Variants in PLCE1 observed in about 807,000 individuals in gnomAD.
PLCE1 encodes the protein 1-phosphatidylinositol 4,5-bisphosphate phosphodiesterase epsilon-1.
Under a neutral mutation model 242.8 loss-of-function variants are expected in PLCE1, and 119 were observed. The observed-to-expected ratio is 0.49, with a 90% CI of 0.42 to 0.57. The LOEUF (loss-of-function observed/expected upper bound fraction) is 0.57, where lower values mean the gene tolerates loss of function less well. PLCE1 is among the 20% of genes least tolerant of loss of function. The probability of loss-of-function intolerance (pLI) is 0.00; values close to 1 mark genes in which losing one functional copy is unlikely to be tolerated. For synonymous variants in PLCE1, 945 were observed against 1,017.4 expected (o/e 0.93, Z 1.35); for missense variants, 2,441 against 2,788.8 (o/e 0.88, Z 2.81).
chr10:94,220,919 C>G (rs1306058081), intron 4 of PLCE1, among the ~76,000 whole-genome samples: 1 of 152,200 alleles, frequency 6.6e-6, no homozygotes, highest in African/African-American at 2.4e-5. Context: ...CCGGGCTCCG[C>G]CACTACACCG....
intron 3 of PLCE1, chr10:94,139,057 T>C (rs945684329): frequency 6.5e-6 from 1 of 152,870 alleles, no homozygotes; most frequent in African/African-American, 2.4e-5. Flanking sequence ...CCAAGGCAGG[T>C]GGATCACCTG....
At chr10:94,145,967 C>T (rs917493350) in intron 3 of PLCE1, among the ~76,000 whole-genome samples, 1 of 151,970 alleles carries the variant, frequency 6.6e-6, no homozygotes, top group African/African-American at 2.4e-5. Flanking sequence ...AGAATGTGTG[C>T]AGCAACTGTG....
chr10:94,250,331 A>G (rs1371144637), intron 8 of PLCE1, among the ~76,000 whole-genome samples: 2 of 151,924 alleles, frequency 1.3e-5, no homozygotes, highest in Non-Finnish European at 2.9e-5. Flanking sequence ...GTGAAACTCC[A>G]TCTCTACTAA....
intron 22 of PLCE1, among the ~76,000 whole-genome samples, chr10:94,287,835 A>G (rs917630880): frequency 2.6e-5 from 4 of 151,888 alleles, no homozygotes; most frequent in Non-Finnish European, 4.4e-5. Flanking sequence ...TCAGGCACCT[A>G]CATACACTGC....
Position 94,287,836 on chromosome 10 carries a change from C to T in PLCE1, c.5035+2871C>T, listed in dbSNP as rs142056303. 8.8e-3 allele frequency among the ~76,000 whole-genome samples: 1,340 copies of T among 152,208 alleles called. 21 individuals carry two copies. The highest frequency in any genetic ancestry group is 0.03 in the African/African-American group (1,242 of 41,542). ...ATCCCCCACTCTCCTCAGGCACCTA[C>T]ATACACTGCCGTCTTTCTAGTGCCA... On this transcript the variant is annotated intron_variant, in intron 22 of 32. Transcript: ENST00000371380.
chr10:94,306,523 C>T lies in PLCE1; in HGVS notation c.5719C>T (p.Arg1907Cys), dbSNP rs974611612. 5.6e-6 allele frequency: 9 copies of T among 1,614,144 alleles called. No homozygotes were observed. The highest frequency in any genetic ancestry group is 2.2e-5 in the East Asian group (1 of 44,866). Residue 1907 changes from arginine (R) to cysteine (C), a missense_variant, in exon 26 of 33, where the codon CGC (arginine) becomes TGC (cysteine). Arg to Cys is a radical substitution (Grantham distance 180). This residue lies in a region of PLCE1 where 1,004 missense variants were observed against 1,322.7 expected (regional missense o/e 0.76). Transcript: ENST00000371380. This position sits in a 1 kb window ranked among gnomAD's most constrained non-coding sequence, Gnocchi z 5.7. ...CATGCCTCTGGACAGCTGCCATTTC[C>T]GCACAAAGCCCATCCATCGAAACAC... The part of the protein sequence containing the change: ...LGMPLDSCHF[R>C]TKPIHRNTLN...
intron 2 of PLCE1, chr10:94,104,097 AAG>A (rs2045637577): frequency 6.6e-6 from 1 of 152,210 alleles, no homozygotes; most frequent in African/African-American, 2.4e-5. Context: ...AGTGTTCTTT[AAG>A]AGAGTCAATG....
chr10:94,311,623 A>G (rs1218831860), intron 27 of PLCE1, among the ~76,000 whole-genome samples: 1 of 152,132 alleles, frequency 6.6e-6, no homozygotes, highest in Admixed American at 6.5e-5. Flanking sequence ...TTTCCTTAGT[A>G]TCTTTCAAAT....
chr10:94,220,599 G>A (rs2049706315), intron 4 of PLCE1, among the ~76,000 whole-genome samples: 1 of 151,458 alleles, frequency 6.6e-6, no homozygotes, highest in Non-Finnish European at 1.5e-5. Context: ...TAGGAAGTGG[G>A]ATTTAGAGAT....
intron 29 of PLCE1, among the ~76,000 whole-genome samples, chr10:94,320,386 G>C (rs1427492525): frequency 3.9e-5 from 6 of 152,026 alleles, no homozygotes; most frequent in Admixed American, 2.0e-4. Flanking sequence ...GTAATTATAA[G>C]GCCATGATTG....
At chr10:94,007,843 A>G (rs887790556) in intron 1 of PLCE1, among the ~76,000 whole-genome samples, 1 of 150,474 alleles carries the variant, frequency 6.6e-6, no homozygotes, top group Non-Finnish European at 1.5e-5. Context: ...TTTGTTTTCT[A>G]TAAATGAGTT....
chr10:94,149,826 T>C (rs1290883855), intron 3 of PLCE1, among the ~76,000 whole-genome samples: 1 of 152,202 alleles, frequency 6.6e-6, no homozygotes, highest in Admixed American at 6.5e-5. Flanking sequence ...TGATGATTCT[T>C]CCTTCAGAGA....
chr10:94,046,907 G>A (rs1414428959), intron 2 of PLCE1, among the ~76,000 whole-genome samples: 2 of 152,138 alleles, frequency 1.3e-5, no homozygotes, highest in Admixed American at 6.5e-5. Context: ...TAACAAACAC[G>A]TTACAAATGT....
At chr10:94,018,954 G>A (rs868221739) in intron 1 of PLCE1, among the ~76,000 whole-genome samples, 48 of 152,156 alleles carry the variant, frequency 3.2e-4, no homozygotes, top group African/African-American at 1.0e-3. Flanking sequence ...TAGTGCTGAA[G>A]GGGTGATTTA....
intron 2 of PLCE1, among the ~76,000 whole-genome samples, chr10:94,062,256 C>T (rs1209243358): frequency 6.6e-6 from 1 of 152,062 alleles, no homozygotes. Flanking sequence ...TTTATATTTG[C>T]TAAATGGTTA....
chr10:94,171,123 T>C (rs1157299728), intron 3 of PLCE1, 57 bp from the exon 4 acceptor site: 12 of 1,368,480 alleles, frequency 8.8e-6, no homozygotes, highest in Non-Finnish European at 1.3e-5. Context: ...CAAGTAAATA[T>C]CTGTTGCAGG....
chr10:94,140,810 G>A (rs1323313155), intron 3 of PLCE1, among the ~76,000 whole-genome samples: 1 of 152,146 alleles, frequency 6.6e-6, no homozygotes, highest in African/African-American at 2.4e-5. Flanking sequence ...TTTATTTAAA[G>A]AAATATCCTG....
At chr10:94,272,217 G>A (rs1283984477) in intron 18 of PLCE1, among the ~76,000 whole-genome samples, 1 of 152,126 alleles carries the variant, frequency 6.6e-6, no homozygotes, top group African/African-American at 2.4e-5. Flanking sequence ...AACTGCATAG[G>A]ACAGACATTC....
At chr10:94,316,480 C>T (rs2053576811) in intron 28 of PLCE1, 67 bp from the exon 29 acceptor site, 7 of 975,044 alleles carry the variant, frequency 7.2e-6, no homozygotes, top group Admixed American at 6.9e-5. Flanking sequence ...CCTATCTGAA[C>T]ACCATGAAAG....
Sources: gnomAD v4.1 joint callset for allele counts (sites outside exome capture counted in the v4.1 genomes callset) on GRCh38, gnomAD v4.1.1 for gene constraint, gnomAD v4.1.1 regional missense constraint, Gnocchi (gnomAD v3.1) non-coding constraint, MANE v1.5 for transcripts, NCBI Gene and HGNC (gene_info 2026-07-23, HGNC 2026-07-21) for gene names.